CENPP: variants seen among roughly 807,000 people sequenced by gnomAD.
The protein encoded by CENPP is centromere protein P.
Under a neutral mutation model 35.6 loss-of-function variants are expected in CENPP, and 24 were observed. The ratio of observed to expected loss-of-function variants is 0.67; its 90% confidence interval spans 0.49 to 0.95. The LOEUF (loss-of-function observed/expected upper bound fraction) is 0.95, where lower values mean the gene tolerates loss of function less well. Ranked by LOEUF, CENPP falls within the 40% of genes least tolerant of loss-of-function variation. The pLI, the probability that CENPP is intolerant of heterozygous loss-of-function variation, is 0.00. For missense variants in CENPP, 332 were observed against 345.3 expected, an observed-to-expected ratio of 0.96 and a Z score of 0.31; for synonymous variants, 120 against 125.5, an observed-to-expected ratio of 0.96 and a Z score of 0.29.
At chr9:92,485,478 G>A (rs753578361) in intron 5 of CENPP, among the ~76,000 whole-genome samples, 5 of 152,244 alleles carry the variant, frequency 3.3e-5, no homozygotes, top group Admixed American at 2.0e-4. Flanking sequence ...TGCCATAAAA[G>A]GAACTTTAAT....
chr9:92,456,879 G>A, intron 5 of CENPP: 1 of 894,466 alleles, frequency 1.1e-6, no homozygotes, highest in South Asian at 4.6e-5. Flanking sequence ...TACTGTCTTT[G>A]TTAATTCTGT....
chr9:92,546,215 C>T (rs1287347652), intron 5 of CENPP, among the ~76,000 whole-genome samples: 1 of 152,136 alleles, frequency 6.6e-6, no homozygotes, highest in Non-Finnish European at 1.5e-5. Context: ...CCAATCAGCT[C>T]TCTGTAAAAC....
rs527535535 is a variant in CENPP, at chr9:92,327,272, A to G, written c.107+1167A>G. ...CCATAGTAGTGTCAACTGAAAAATC[A>G]TGAGATCTGCAAATTTAGAGAGACT... On this transcript the variant is annotated intron_variant, in intron 1 of 7. Coordinates refer to ENST00000375587, the MANE Select transcript of CENPP (RefSeq NM_001012267.3). Among the ~76,000 whole-genome samples, 3 of 152,348 alleles carry G rather than the reference A, an allele frequency of 2.0e-5. No individual in the cohort carries two copies. The South Asian group carries it at 6.2e-4, about 32-fold the overall frequency.
At chr9:92,545,394 C>A (rs117405083) in intron 5 of CENPP, among the ~76,000 whole-genome samples, 4 of 152,320 alleles carry the variant, frequency 2.6e-5, no homozygotes, top group African/African-American at 4.8e-5. Flanking sequence ...AGCACCCCGG[C>A]CAGCAGCTGC....
At chr9:92,542,804 G>C (rs1048764243) in intron 5 of CENPP, among the ~76,000 whole-genome samples, 2 of 152,146 alleles carry the variant, frequency 1.3e-5, no homozygotes, top group African/African-American at 4.8e-5. Context: ...GAGCCACTGC[G>C]CCCGGCCCCC....
intron 3 of CENPP, among the ~76,000 whole-genome samples, chr9:92,344,837 C>T (rs1334547355): frequency 6.6e-6 from 1 of 151,176 alleles, no homozygotes; most frequent in Non-Finnish European, 1.5e-5. Context: ...CGTGAGCCAC[C>T]GCGCCCGGCC....
intron 5 of CENPP, chr9:92,522,484 G>A: frequency 8.0e-7 from 1 of 1,257,012 alleles, no homozygotes; most frequent in Non-Finnish European, 1.1e-6. Context: ...TCATGGAGAT[G>A]TTCTCCCTCT....
intron 5 of CENPP, chr9:92,401,082 T>C: frequency 7.9e-7 from 1 of 1,266,172 alleles, no homozygotes; most frequent in Non-Finnish European, 1.1e-6. Flanking sequence ...AATATTTAGA[T>C]GATACTTACC....
chr9:92,535,588 TA>T (rs1418422567), intron 5 of CENPP, among the ~76,000 whole-genome samples: 7 of 152,144 alleles, frequency 4.6e-5, no homozygotes, highest in African/African-American at 1.7e-4. Context: ...GTCTATTATC[TA>T]TTTTCACTTC....
chr9:92,570,756 G>A lies in CENPP; in HGVS notation c.565-40558G>A, dbSNP rs564465365. On this transcript the variant is annotated intron_variant, in intron 5 of 7. Coordinates refer to ENST00000375587, the MANE Select transcript of CENPP (RefSeq NM_001012267.3). ...TATTAATTATTGCCTCAATTTCAGA[G>A]TCTGTTATTGGTCTATTAAGAGATT... 5.9e-5 allele frequency among the ~76,000 whole-genome samples: 9 copies of A among 152,244 alleles called. 1 individual carries two copies. The highest frequency in any genetic ancestry group is 3.4e-3 in the Middle Eastern group (1 of 294).
intron 5 of CENPP, among the ~76,000 whole-genome samples, chr9:92,449,892 T>G (rs1844658347): frequency 6.6e-6 from 1 of 152,218 alleles, no homozygotes; most frequent in Non-Finnish European, 1.5e-5. Context: ...AAACATTGTT[T>G]ATAAATTACC....
At chr9:92,497,815 C>G (rs1846438511) in intron 5 of CENPP, among the ~76,000 whole-genome samples, 1 of 149,762 alleles carries the variant, frequency 6.7e-6, no homozygotes. Context: ...GATATCCTCT[C>G]TAGGATCAGG....
intron 5 of CENPP, among the ~76,000 whole-genome samples, chr9:92,567,614 A>T (rs1850027681): frequency 6.6e-6 from 1 of 152,014 alleles, no homozygotes; most frequent in Non-Finnish European, 1.5e-5. Flanking sequence ...TTGGTTTGTA[A>T]CTTCAAACAC....
intron 5 of CENPP, among the ~76,000 whole-genome samples, chr9:92,470,169 G>A (rs561661230): frequency 3.5e-4 from 53 of 152,168 alleles, no homozygotes; most frequent in African/African-American, 9.6e-4. Context: ...TTAAATCCTA[G>A]AATATTAAAA....
intron 4 of CENPP, among the ~76,000 whole-genome samples, chr9:92,361,394 G>C (rs1298719268): frequency 6.6e-6 from 1 of 151,824 alleles, no homozygotes; most frequent in Non-Finnish European, 1.5e-5. Context: ...ATGCACCTCA[G>C]CCTCCCAAAG....
intron 5 of CENPP, chr9:92,516,566 T>C (rs1300175043): frequency 3.3e-5 from 5 of 152,208 alleles, no homozygotes; most frequent in Admixed American, 1.3e-4. Context: ...TGCAGAAGAA[T>C]AGGAAAAAGT....
chr9:92,527,041 C>T (rs1848457845), intron 5 of CENPP, among the ~76,000 whole-genome samples: 1 of 152,172 alleles, frequency 6.6e-6, no homozygotes, highest in African/African-American at 2.4e-5. Context: ...CAGGGTCTGG[C>T]TCTGCCACCC....
At chr9:92,403,826 A>G (rs1270989252) in intron 5 of CENPP, 1 of 309,108 alleles carries the variant, frequency 3.2e-6, no homozygotes, top group Non-Finnish European at 4.7e-6. Flanking sequence ...TAAAAATATC[A>G]TATTTCCACT....
In CENPP at chr9:92,618,508, T is replaced by C; in HGVS notation, c.*5359T>C. 2.2e-6 allele frequency: 1 copy of C among 456,696 alleles called. No individual in the cohort carries two copies. Among genetic ancestry groups the C allele is most frequent in the Non-Finnish European group, 4.4e-6 (1 of 226,956 alleles). The allele number at this position is 456,696 out of a possible 1,614,324, so 28.3% of individuals were successfully genotyped here. ...ACCCTGCATCCAAGCACATTTCCAT[T>C]GCCCAGCTGCATCCTTGGTCGGGGG... On this transcript the variant is annotated 3_prime_UTR_variant, in exon 8 of 8. Coordinates refer to ENST00000375587, the MANE Select transcript of CENPP (RefSeq NM_001012267.3).
Sources: gnomAD v4.1 joint callset for allele counts (sites outside exome capture counted in the v4.1 genomes callset) on GRCh38, gnomAD v4.1.1 for gene constraint, MANE v1.5 for transcripts, NCBI Gene and HGNC (gene_info 2026-07-23, HGNC 2026-07-21) for gene names.